SORCS1: variants seen among roughly 807,000 people sequenced by gnomAD.
The protein encoded by SORCS1 is VPS10 domain-containing receptor SorCS1.
A neutral mutation model predicts 146.1 loss-of-function variants in SORCS1; 60 were observed. The ratio of observed to expected loss-of-function variants is 0.41; its 90% CI spans 0.33 to 0.51. The LOEUF (loss-of-function observed/expected upper bound fraction) is 0.51, where lower values mean the gene tolerates loss of function less well. SORCS1 is among the 20% of genes least tolerant of loss of function. The pLI is 0.21. For missense variants in SORCS1, 1,352 were observed against 1,487.6 expected (o/e 0.91, Z 1.50); for synonymous variants, 637 against 584.0 (o/e 1.09, Z -1.31).
intron 1 of SORCS1, among the ~76,000 whole-genome samples, chr10:107,107,220 C>G (rs912550730): frequency 2.0e-5 from 3 of 152,118 alleles, no homozygotes; most frequent in Non-Finnish European, 2.9e-5. Context: ...AAAAGTGATT[C>G]TGGGTAGAAA....
intron 4 of SORCS1, among the ~76,000 whole-genome samples, chr10:106,768,256 C>T (rs1272971107): frequency 5.3e-5 from 8 of 152,282 alleles, no homozygotes; most frequent in African/African-American, 1.9e-4. Context: ...AGATCTGACA[C>T]TGGGAAATTT....
intron 2 of SORCS1, among the ~76,000 whole-genome samples, chr10:106,911,327 C>T (rs1195484378): frequency 2.6e-5 from 4 of 152,200 alleles, no homozygotes; most frequent in African/African-American, 7.2e-5. Context: ...TACCACCATC[C>T]GGTGACACAT....
At position 107,006,037 on chromosome 10, in the gene SORCS1, T is replaced by C. The variant is rs1957429261; in HGVS notation, c.559-49457A>G. Among the ~76,000 whole-genome samples the C allele has an allele frequency of 2.0e-5, 3 of 152,362 alleles. No homozygotes were observed. In the South Asian group the frequency reaches 6.2e-4, roughly 32 times the overall value. ...CACCTCCCCTTCATATTTCCCTACA[T>C]TGTCCAATTTAATACATATCACAGC... On this transcript the variant is annotated intron_variant, in intron 1 of 25. Transcript: ENST00000263054.
intron 1 of SORCS1, among the ~76,000 whole-genome samples, chr10:107,120,437 C>A (rs181796183): frequency 1.9e-4 from 29 of 152,268 alleles, no homozygotes; most frequent in Non-Finnish European, 3.1e-4. Context: ...TTATTCTATT[C>A]TCTGATGGGA....
chr10:107,098,982 G>A (rs895675548), intron 1 of SORCS1, among the ~76,000 whole-genome samples: 10 of 152,190 alleles, frequency 6.6e-5, no homozygotes, highest in African/African-American at 7.2e-5. Flanking sequence ...CCAACAATGC[G>A]TACAGTACTG....
At chr10:106,578,888 G>GAA (rs552672599) in intron 25 of SORCS1, 1 of 1,409,300 alleles carries the variant, frequency 7.1e-7, no homozygotes, top group African/African-American at 1.4e-5. Flanking sequence ...ACTAATGAGA[G>GAA]AAAAAAACTA....
intron 1 of SORCS1, among the ~76,000 whole-genome samples, chr10:107,146,526 G>A (rs1968338762): frequency 6.6e-6 from 1 of 152,140 alleles, no homozygotes; most frequent in African/African-American, 2.4e-5. Flanking sequence ...TCGAGGCTAT[G>A]ACTGGTTTTC....
At chr10:106,837,765 T>C (rs1948844807) in intron 2 of SORCS1, among the ~76,000 whole-genome samples, 1 of 151,832 alleles carries the variant, frequency 6.6e-6, no homozygotes, top group African/African-American at 2.4e-5. Flanking sequence ...CCACTCACAT[T>C]CCAGTCTTGT....
intron 1 of SORCS1, among the ~76,000 whole-genome samples, chr10:107,030,290 T>C (rs1325926081): frequency 6.6e-6 from 1 of 152,184 alleles, no homozygotes; most frequent in Non-Finnish European, 1.5e-5. Context: ...CTAAGTACTC[T>C]ATATCCATCA....
chr10:106,740,225 T>C (rs1857269915), intron 5 of SORCS1, among the ~76,000 whole-genome samples: 1 of 152,152 alleles, frequency 6.6e-6, no homozygotes, highest in Non-Finnish European at 1.5e-5. Context: ...AATCAGAAAG[T>C]ATCTTCTTCC....
intron 1 of SORCS1, among the ~76,000 whole-genome samples, chr10:107,102,672 A>T (rs1965008825): frequency 6.6e-6 from 1 of 152,200 alleles, no homozygotes; most frequent in Admixed American, 6.5e-5. Context: ...GAGCATCTAC[A>T]TCTTACATGC....
intron 2 of SORCS1, among the ~76,000 whole-genome samples, chr10:106,894,550 T>C (rs1951389081): frequency 1.3e-5 from 2 of 152,088 alleles, no homozygotes; most frequent in Non-Finnish European, 1.5e-5. Context: ...GCAGAAATGC[T>C]GGAGACCTCC....
chr10:106,645,258 TC>T (rs1292718889), intron 18 of SORCS1, among the ~76,000 whole-genome samples: 1 of 151,000 alleles, frequency 6.6e-6, no homozygotes, highest in Non-Finnish European at 1.5e-5. Flanking sequence ...AACCTTCACC[TC>T]CTAGGTTCAG....
intron 2 of SORCS1, among the ~76,000 whole-genome samples, chr10:106,925,149 A>G (rs1418727520): frequency 6.6e-6 from 1 of 152,154 alleles, no homozygotes; most frequent in Non-Finnish European, 1.5e-5. Context: ...TTTGGAGAAG[A>G]GGAAGACTCA....
chr10:107,103,230 A>T (rs915502467), intron 1 of SORCS1, among the ~76,000 whole-genome samples: 1 of 152,230 alleles, frequency 6.6e-6, no homozygotes, highest in Non-Finnish European at 1.5e-5. Flanking sequence ...GCAATTAATC[A>T]TCTCTGCGTT....
chr10:106,791,507 C>T (rs1410895157), intron 3 of SORCS1, among the ~76,000 whole-genome samples: 1 of 152,152 alleles, frequency 6.6e-6, no homozygotes, highest in Non-Finnish European at 1.5e-5. Context: ...CGAGACCAAC[C>T]TGGCCAACAC....
At chr10:107,133,143 G>A (rs569228472) in intron 1 of SORCS1, among the ~76,000 whole-genome samples, 21 of 152,302 alleles carry the variant, frequency 1.4e-4, no homozygotes, top group Non-Finnish European at 8.8e-5. Flanking sequence ...ATTTTAAATA[G>A]AATTTTGAAC....
chr10:106,688,080 C>G, intron 10 of SORCS1, 112 bp downstream of exon 10: 1 of 1,447,474 alleles, frequency 6.9e-7, no homozygotes, highest in South Asian at 1.4e-5. Context: ...CTTCCCCACT[C>G]CCTTTTGTTC....
At chr10:106,708,490 AG>A (rs963814791) in intron 7 of SORCS1, among the ~76,000 whole-genome samples, 7 of 152,178 alleles carry the variant, frequency 4.6e-5, no homozygotes, top group Admixed American at 3.9e-4. Flanking sequence ...TTAACATGGA[AG>A]GTGGTAACTG....
Sources: allele counts gnomAD v4.1 joint callset (sites outside exome capture counted in the v4.1 genomes callset), GRCh38; gene constraint gnomAD v4.1.1; transcripts MANE v1.5; gene names NCBI Gene and HGNC (gene_info 2026-07-23, HGNC 2026-07-21).